Variants in CPE observed in about 807,000 individuals in gnomAD.
CPE encodes carboxypeptidase E, also known as carbocypeptidase E.
In CPE, 17 loss-of-function variants were observed where a neutral mutation model predicts 53.5. That is an observed-to-expected ratio of 0.32 (90% confidence interval 0.22 to 0.48). CPE has a LOEUF of 0.48. Ranked by LOEUF, CPE falls within the 20% of genes least tolerant of loss-of-function variation. The pLI is 0.99. For synonymous variants in CPE, 226 were observed against 228.8 expected, an observed-to-expected ratio of 0.99 and a Z score of 0.11; for missense variants, 524 against 614.7, an observed-to-expected ratio of 0.85 and a Z score of 1.56.
intron 1 of CPE, among the ~76,000 whole-genome samples, chr4:165,457,609 T>C (rs1470575563): frequency 1.3e-5 from 2 of 152,232 alleles, no homozygotes; most frequent in Admixed American, 1.3e-4. Context: ...AAAATGATTC[T>C]GTAATATGTC....
intron 1 of CPE, among the ~76,000 whole-genome samples, chr4:165,463,180 T>C (rs1006854603): frequency 6.6e-6 from 1 of 152,154 alleles, no homozygotes. Context: ...TATATCCTCT[T>C]TGGGCTGATT....
rs761244223 is a variant in CPE, at chr4:165,379,400, G to C, written c.179G>C (p.Arg60Pro). The C allele has an allele frequency of 6.2e-7, 1 of 1,609,982 alleles. No homozygotes were observed. Among genetic ancestry groups the C allele is most frequent in the East Asian group, 2.2e-5 (1 of 44,742 alleles). Residue 60 changes from arginine to proline, a missense_variant, in exon 1 of 9, where the codon CGC (arginine) becomes CCC (proline). By Grantham distance (103) the Arg-to-Pro change is moderately radical. Coordinates refer to ENST00000402744, the MANE Select transcript of CPE (RefSeq NM_001873.4). The surrounding 1 kb of genome is among the most constrained non-coding windows in gnomAD (Gnocchi z 6.0). ...GAGTACCACCGCTACCCCGAGCTGCGCGAGGCGCTCGTGTCCGTGTGGCTG... is the reference window on the plus strand; with the variant it reads ...GAGTACCACCGCTACCCCGAGCTGCCCGAGGCGCTCGTGTCCGTGTGGCTG... ...SFEYHRYPEL[R>P]EALVSVWLQC...
chr4:165,405,396 C>T (rs1394693277), intron 1 of CPE: 3 of 1,037,058 alleles, frequency 2.9e-6, no homozygotes. Flanking sequence ...TTCTGAGATT[C>T]AGAGAGATAA....
intron 1 of CPE, among the ~76,000 whole-genome samples, chr4:165,450,321 C>T (rs1490046173): frequency 6.6e-6 from 1 of 152,026 alleles, no homozygotes; most frequent in African/African-American, 2.4e-5. Flanking sequence ...GCGATTTTGT[C>T]TTTCATTTCA....
intron 3 of CPE, among the ~76,000 whole-genome samples, chr4:165,478,884 C>G (rs545079412): frequency 1.5e-4 from 23 of 152,172 alleles, no homozygotes; most frequent in Non-Finnish European, 3.1e-4. Flanking sequence ...TTTTACTACT[C>G]TTTTCTCTTT....
At chr4:165,443,543 A>C (rs866231738) in intron 1 of CPE, among the ~76,000 whole-genome samples, 13 of 152,198 alleles carry the variant, frequency 8.5e-5, no homozygotes, top group African/African-American at 2.7e-4. Flanking sequence ...CTTGGCTTGC[A>C]GATGGCCGCC....
In CPE at chr4:165,497,652, T is replaced by C. The variant is rs771585116; in HGVS notation, c.*42T>C. ...CTGCTTTAAATCTATCTATATAATG[T>C]AGTATGATGTAATGTGGTCTTTTTT... On this transcript the variant is annotated 3_prime_UTR_variant, in exon 9 of 9. Transcript: ENST00000402744. 1 of 1,114,568 alleles carries C rather than the reference T, an allele frequency of 9.0e-7. No homozygotes were observed. The highest frequency in any genetic ancestry group is 2.7e-5 in the East Asian group (1 of 36,486). 69.0% of individuals were successfully genotyped at this position (1,114,568 alleles called of 1,614,324 possible).
chr4:165,388,143 T>C (rs928218490), intron 1 of CPE, among the ~76,000 whole-genome samples: 2 of 152,226 alleles, frequency 1.3e-5, no homozygotes, highest in Non-Finnish European at 2.9e-5. Context: ...CATTGTGTAA[T>C]GTTTTCTCCA....
Position 165,479,454 on chromosome 4 carries a change from GA to G in CPE, c.673-2787del, listed in dbSNP as rs796354176. ...AACTTTCGTAAGGATGTAATACTTA[GA>G]GGGGGATAGAACTTTCTAAATTTCT... On this transcript the variant is annotated intron_variant, in intron 3 of 8. Coordinates refer to ENST00000402744, the MANE Select transcript of CPE (RefSeq NM_001873.4). 1.0e-3 allele frequency among the ~76,000 whole-genome samples: 155 copies of G among 152,314 alleles called. 2 individuals carry two copies. The highest frequency in any genetic ancestry group is 3.6e-3 in the African/African-American group (150 of 41,582).
At chr4:165,496,607 A>G (rs370684573) in intron 8 of CPE, among the ~76,000 whole-genome samples, 4 of 152,260 alleles carry the variant, frequency 2.6e-5, no homozygotes, top group South Asian at 4.1e-4. Flanking sequence ...TCTTAGTTCC[A>G]TCTGGGATGG....
At chr4:165,405,257 G>T in intron 1 of CPE, 1 of 897,290 alleles carries the variant, frequency 1.1e-6, no homozygotes, top group Non-Finnish European at 1.9e-6. Context: ...CATCATCCCT[G>T]CACCAGGAAT....
At chr4:165,411,756 A>G (rs1731046239) in intron 1 of CPE, among the ~76,000 whole-genome samples, 1 of 152,214 alleles carries the variant, frequency 6.6e-6, no homozygotes, top group Non-Finnish European at 1.5e-5. Context: ...AATTATAAAA[A>G]TTCAAAGTGA....
chr4:165,397,848 C>G (rs979890911), intron 1 of CPE, among the ~76,000 whole-genome samples: 2 of 150,692 alleles, frequency 1.3e-5, no homozygotes, highest in African/African-American at 4.9e-5. Flanking sequence ...TGAGACCAGT[C>G]TGGGTGACAT....
chr4:165,429,431 G>A (rs895826653), intron 1 of CPE, among the ~76,000 whole-genome samples: 10 of 152,076 alleles, frequency 6.6e-5, no homozygotes, highest in East Asian at 1.9e-4. Flanking sequence ...TGCTGGGTGC[G>A]GTGGCTCACA....
chr4:165,451,943 G>GT (rs1248476974), intron 1 of CPE, among the ~76,000 whole-genome samples: 1 of 147,586 alleles, frequency 6.8e-6, no homozygotes, highest in Non-Finnish European at 1.5e-5. Context: ...TTTTTTTTTC[G>GT]TTTTTTTTAA....
chr4:165,380,489 A>G (rs1183209323), intron 1 of CPE, among the ~76,000 whole-genome samples: 2 of 152,214 alleles, frequency 1.3e-5, no homozygotes, highest in Non-Finnish European at 2.9e-5. Flanking sequence ...GTTTCTGCTT[A>G]GGAAATAATT....
rs567046059 is a variant in CPE, at chr4:165,419,536, A to G, written c.307+40008A>G. ...AAAATAATGTTTTAAAATAGTTATT[A>G]TTTTCATTCTCATTTTATAATTGGG... is the stretch of plus-strand genomic sequence containing the variant. On this transcript the variant is annotated intron_variant, in intron 1 of 8. Transcript: ENST00000402744. 5.3e-5 allele frequency among the ~76,000 whole-genome samples: 8 copies of G among 152,270 alleles called. No individual in the cohort carries two copies. In the South Asian group the frequency reaches 1.7e-3, roughly 32 times the overall value.
At chr4:165,463,109 T>C (rs1029699055) in intron 1 of CPE, among the ~76,000 whole-genome samples, 2 of 152,266 alleles carry the variant, frequency 1.3e-5, no homozygotes, top group African/African-American at 4.8e-5. Flanking sequence ...TAAAACGCAA[T>C]GGAGAGTCTC....
At chr4:165,413,915 T>C (rs1485323249) in intron 1 of CPE, among the ~76,000 whole-genome samples, 1 of 152,240 alleles carries the variant, frequency 6.6e-6, no homozygotes, top group Non-Finnish European at 1.5e-5. Flanking sequence ...CATTCATGCA[T>C]ATTTATGATT....
Sources: allele counts gnomAD v4.1 joint callset (sites outside exome capture counted in the v4.1 genomes callset), GRCh38; gene constraint gnomAD v4.1.1; non-coding constraint Gnocchi (gnomAD v3.1); transcripts MANE v1.5; gene names NCBI Gene and HGNC (gene_info 2026-07-23, HGNC 2026-07-21).